The following MTHFD1L variants were observed in gnomAD, a reference collection of about 807,000 sequenced individuals.
The protein encoded by MTHFD1L is methylenetetrahydrofolate dehydrogenase (NADP+ dependent) 1 like.
MTHFD1L carries 81 observed loss-of-function variants against 119.5 expected under a neutral mutation model. That is an observed-to-expected ratio of 0.68 (90% confidence interval 0.57 to 0.82). The LOEUF is 0.82. Ranked by LOEUF, MTHFD1L falls within the 40% of genes least tolerant of loss-of-function variation. The pLI, the probability that MTHFD1L is intolerant of heterozygous loss-of-function variation, is 0.00. For missense variants in MTHFD1L, 1,125 were observed against 1,253.4 expected (o/e 0.90, Z 1.55); for synonymous variants, 430 against 475.2 (o/e 0.90, Z 1.24).
chr6:151,059,002 G>A (rs1790323292), intron 26 of MTHFD1L, among the ~76,000 whole-genome samples: 1 of 151,022 alleles, frequency 6.6e-6, no homozygotes, highest in African/African-American at 2.4e-5. Flanking sequence ...GAAATGTGTT[G>A]GTTTTTTAAT....
intron 20 of MTHFD1L, among the ~76,000 whole-genome samples, chr6:150,998,822 C>CAA (rs72203332): frequency 2.1e-3 from 213 of 101,120 alleles, no homozygotes; most frequent in East Asian, 6.8e-3. Flanking sequence ...TCTAAAAATA[C>CAA]AAAAAAAAAA....
chr6:150,866,830 C>T (rs115937416), intron 1 of MTHFD1L, among the ~76,000 whole-genome samples: 235 of 152,328 alleles, frequency 1.5e-3, no homozygotes, highest in African/African-American at 5.2e-3. Flanking sequence ...TCCAGCCTTC[C>T]CCGCCCTCGC....
intron 20 of MTHFD1L, among the ~76,000 whole-genome samples, chr6:150,976,398 C>T (rs1317970355): frequency 6.6e-6 from 1 of 152,154 alleles, no homozygotes; most frequent in Non-Finnish European, 1.5e-5. Flanking sequence ...CCAGGTCAGC[C>T]AGCACCATCC....
At chr6:150,924,941 G>A (rs184660684) in intron 10 of MTHFD1L, among the ~76,000 whole-genome samples, 1 of 152,182 alleles carries the variant, frequency 6.6e-6, no homozygotes, top group Non-Finnish European at 1.5e-5. Context: ...GGTACTTGAG[G>A]GGGGTAACCT....
intron 26 of MTHFD1L, among the ~76,000 whole-genome samples, chr6:151,044,852 A>G (rs6904734): frequency 0.73 from 111,227 of 152,058 alleles, 41,225 homozygotes; most frequent in African/African-American, 0.75. Context: ...CACCCGCTAC[A>G]AATGCTGGGT....
chr6:151,064,789 G>GTTT (rs63491461), intron 26 of MTHFD1L, among the ~76,000 whole-genome samples: 7 of 147,794 alleles, frequency 4.7e-5, no homozygotes, highest in South Asian at 2.1e-4. Context: ...TTCTTTTTTT[G>GTTT]TTTTTTTTTT....
chr6:150,998,558 C>T, intron 20 of MTHFD1L, among the ~76,000 whole-genome samples: 1 of 150,400 alleles, frequency 6.6e-6, no homozygotes, highest in African/African-American at 2.5e-5. Context: ...AAGAAGTGCT[C>T]AAAAATCCAA....
chr6:151,068,170 A>G (rs141869890), intron 26 of MTHFD1L, among the ~76,000 whole-genome samples: 235 of 152,372 alleles, frequency 1.5e-3, no homozygotes, highest in African/African-American at 5.5e-3. Flanking sequence ...TGATCACAGC[A>G]GTGTGTTTTG....
intron 17 of MTHFD1L, among the ~76,000 whole-genome samples, chr6:150,956,678 G>GT (rs552732019): frequency 1.9e-4 from 28 of 150,866 alleles, no homozygotes; most frequent in East Asian, 1.2e-3. Flanking sequence ...ATTGTGTTGT[G>GT]TTTTTTTTTC....
chr6:150,932,958 G>A (rs1791408070), intron 11 of MTHFD1L, among the ~76,000 whole-genome samples: 1 of 152,130 alleles, frequency 6.6e-6, no homozygotes, highest in Non-Finnish European at 1.5e-5. Context: ...TATCCCCGTT[G>A]ATGATTTGGA....
intron 13 of MTHFD1L, among the ~76,000 whole-genome samples, chr6:150,938,954 C>T (rs3734417): frequency 2.6e-5 from 4 of 152,076 alleles, no homozygotes; most frequent in Non-Finnish European, 1.5e-5. Flanking sequence ...TTTGTACGTG[C>T]TACTTGGCGT....
chr6:150,989,460 GAC>G (rs1398688333), intron 20 of MTHFD1L, among the ~76,000 whole-genome samples: 1 of 152,156 alleles, frequency 6.6e-6, no homozygotes, highest in Non-Finnish European at 1.5e-5. Context: ...GAAAGGAAGA[GAC>G]ACATTTTATT....
chr6:151,066,764 CAAA>C (rs1303162884), intron 26 of MTHFD1L, among the ~76,000 whole-genome samples: 2 of 100,032 alleles, frequency 2.0e-5, no homozygotes, highest in African/African-American at 3.8e-5. Context: ...AACTCCGTCT[CAAA>C]AAAAAAAAAA....
chr6:150,866,475 G>C (rs970019154), intron 1 of MTHFD1L: 9 of 1,318,606 alleles, frequency 6.8e-6, no homozygotes, highest in African/African-American at 3.1e-5. Context: ...GCGCCGGCTG[G>C]CCCGGGGTTC....
At chr6:151,070,274 ACT>A (rs1230453231) in intron 26 of MTHFD1L, among the ~76,000 whole-genome samples, 2 of 152,120 alleles carry the variant, frequency 1.3e-5, no homozygotes, top group African/African-American at 4.8e-5. Context: ...CCTGAGAGTT[ACT>A]CTCCCTTAGA....
At chr6:150,952,024 G>A (rs1012170730) in intron 16 of MTHFD1L, among the ~76,000 whole-genome samples, 1 of 152,218 alleles carries the variant, frequency 6.6e-6, no homozygotes, top group Non-Finnish European at 1.5e-5. Flanking sequence ...GATCTTGGAA[G>A]AGAAAGGCTA....
intron 22 of MTHFD1L, 83 bp downstream of exon 22, chr6:151,013,903 C>A: frequency 8.2e-7 from 1 of 1,213,816 alleles, no homozygotes. Flanking sequence ...AGCCCTCCTT[C>A]AGTGGCCTCT....
intron 20 of MTHFD1L, among the ~76,000 whole-genome samples, chr6:150,985,703 C>T (rs1259105660): frequency 6.7e-6 from 1 of 150,044 alleles, no homozygotes; most frequent in East Asian, 2.0e-4. Flanking sequence ...AAAGAAAACT[C>T]TCCTTTGAAT....
chr6:150,870,519 C>T lies in MTHFD1L; in HGVS notation c.227+4470C>T, dbSNP rs1214199624. Among the ~76,000 whole-genome samples, 4 of 152,022 alleles carry T rather than the reference C, an allele frequency of 2.6e-5. No homozygotes were observed. The East Asian group carries it at 5.8e-4, about 22-fold the overall frequency. On this transcript the variant is annotated intron_variant, in intron 1 of 27. Transcript: ENST00000367321. ...CAATAAGGGGAATATCGCAGTAAAA[C>T]GAGTCACACAAATTTTGTAGTTTCC...
Sources: allele counts gnomAD v4.1 joint callset (sites outside exome capture counted in the v4.1 genomes callset), GRCh38; gene constraint gnomAD v4.1.1; transcripts MANE v1.5; gene names NCBI Gene and HGNC (gene_info 2026-07-23, HGNC 2026-07-21).